MSI2: variants seen among roughly 807,000 people sequenced by gnomAD.
MSI2 encodes the protein musashi RNA binding protein 2.
Under a neutral mutation model 45.6 loss-of-function variants are expected in MSI2, and 17 were observed. The ratio of observed to expected loss-of-function variants is 0.37; its 90% CI spans 0.26 to 0.56. The LOEUF (loss-of-function observed/expected upper bound fraction) is 0.56. Among genes scored for constraint, MSI2 ranks in the 20% least tolerant of loss-of-function variants. MSI2 has a pLI of 0.77. For synonymous variants in MSI2, 156 were observed against 158.2 expected, an observed-to-expected ratio of 0.99 and a Z score of 0.11; for missense variants, 293 against 444.2, an observed-to-expected ratio of 0.66 and a Z score of 3.06.
intron 5 of MSI2, among the ~76,000 whole-genome samples, chr17:57,285,081 T>C (rs1909755945): frequency 6.6e-6 from 1 of 152,066 alleles, no homozygotes; most frequent in Non-Finnish European, 1.5e-5. Flanking sequence ...AGAAGTTTCT[T>C]CTTTTCACCT....
chr17:57,532,566 G>A (rs2086843433), intron 7 of MSI2, among the ~76,000 whole-genome samples: 1 of 152,206 alleles, frequency 6.6e-6, no homozygotes, highest in South Asian at 2.1e-4. Flanking sequence ...CACAGCAGAG[G>A]CACAGATCAT....
At chr17:57,573,964 T>C in intron 7 of MSI2, among the ~76,000 whole-genome samples, 1 of 152,088 alleles carries the variant, frequency 6.6e-6, no homozygotes, top group East Asian at 1.9e-4. Context: ...GTGGTGGTGG[T>C]TGTGACGATA....
intron 6 of MSI2, among the ~76,000 whole-genome samples, chr17:57,405,178 C>G (rs1051767155): frequency 6.6e-6 from 1 of 152,156 alleles, no homozygotes; most frequent in Admixed American, 6.5e-5. Flanking sequence ...CTGGCCTCGG[C>G]TTCTCTTCTC....
At chr17:57,666,061 C>T (rs953273285) in intron 11 of MSI2, among the ~76,000 whole-genome samples, 2 of 152,198 alleles carry the variant, frequency 1.3e-5, no homozygotes, top group African/African-American at 4.8e-5. Context: ...CAACAGGGTC[C>T]AAGCCCTTAG....
At chr17:57,565,159 C>T (rs796403775) in intron 7 of MSI2, among the ~76,000 whole-genome samples, 4 of 152,266 alleles carry the variant, frequency 2.6e-5, no homozygotes, top group African/African-American at 9.6e-5. Context: ...TTCGGCTGTG[C>T]CACCCCATCT....
At chr17:57,287,196 C>G (rs186746569) in intron 5 of MSI2, among the ~76,000 whole-genome samples, 160 of 151,470 alleles carry the variant, frequency 1.1e-3, no homozygotes, top group African/African-American at 3.4e-3. Context: ...CCCGTGAGCC[C>G]AAGAATGCCT....
intron 6 of MSI2, among the ~76,000 whole-genome samples, chr17:57,505,991 C>T (rs2086219312): frequency 6.6e-6 from 1 of 152,174 alleles, no homozygotes; most frequent in Non-Finnish European, 1.5e-5. Context: ...CTGATGGCCC[C>T]CTCCAGACTC....
At chr17:57,297,948 A>T (rs964530137) in intron 5 of MSI2, among the ~76,000 whole-genome samples, 1 of 152,062 alleles carries the variant, frequency 6.6e-6, no homozygotes, top group African/African-American at 2.4e-5. Context: ...TTTCCACCAC[A>T]TCTGCAGTTA....
intron 5 of MSI2, among the ~76,000 whole-genome samples, chr17:57,276,561 G>T (rs1200107323): frequency 6.6e-6 from 1 of 152,176 alleles, no homozygotes; most frequent in Non-Finnish European, 1.5e-5. Flanking sequence ...ATAGAGGAGG[G>T]GACAATTACT....
rs1299846404 is a variant in MSI2 at position 57,683,341 on chromosome 17, T to C, written c.*3824T>C. On this transcript the variant is annotated 3_prime_UTR_variant, in exon 14 of 14. Transcript: ENST00000284073. The surrounding 1 kb of genome is among the most constrained non-coding windows in gnomAD (Gnocchi z 5.2). ...CTTGGGGGTGGGTTTTGCTTGTTGT[T>C]CCTTTTCATTTGGGGGTTTTTGGGG... 4.3e-6 allele frequency: 1 copy of C among 230,578 alleles called. No homozygotes were observed. Among genetic ancestry groups the C allele is most frequent in the Non-Finnish European group, 8.6e-6 (1 of 116,476 alleles). 14.3% of individuals were successfully genotyped at this position (230,578 alleles called of 1,614,324 possible).
chr17:57,379,481 CTTT>C (rs78899938), intron 5 of MSI2, among the ~76,000 whole-genome samples: 6 of 134,758 alleles, frequency 4.5e-5, no homozygotes, highest in Admixed American at 7.4e-5. Flanking sequence ...TTTCTTTCTT[CTTT>C]TTTTTTTTTT....
intron 6 of MSI2, among the ~76,000 whole-genome samples, chr17:57,422,602 G>A (rs992045594): frequency 3.3e-5 from 5 of 152,188 alleles, no homozygotes; most frequent in East Asian, 1.9e-4. Context: ...CAGAGAGAGC[G>A]CTCAGTCCAG....
At chr17:57,675,911 C>T (rs779437819) in intron 12 of MSI2, among the ~76,000 whole-genome samples, 2 of 152,238 alleles carry the variant, frequency 1.3e-5, no homozygotes, top group Non-Finnish European at 2.9e-5. Context: ...GTTCTTCTCC[C>T]TCCCGGTGTG....
rs1215760926 is a variant in MSI2 at position 57,683,243 on chromosome 17, T to C, written c.*3726T>C. 2.6e-5 allele frequency: 6 copies of C among 229,686 alleles called. No individual in the cohort carries two copies. Among genetic ancestry groups the C allele is most frequent in the South Asian group, 3.6e-4 (2 of 5,490 alleles). 14.2% of individuals were successfully genotyped at this position (229,686 alleles called of 1,614,324 possible). On this transcript the variant is annotated 3_prime_UTR_variant, in exon 14 of 14. Coordinates refer to ENST00000284073, the MANE Select transcript of MSI2 (RefSeq NM_138962.4). This position sits in a 1 kb window ranked among gnomAD's most constrained non-coding sequence, Gnocchi z 5.2. Reference sequence around the variant, plus strand: ...TCTTGCTAGACTAGTATAAAAATCATTGGGTAATTGTTGGTTCTAATGACC... The same window carrying C: ...TCTTGCTAGACTAGTATAAAAATCACTGGGTAATTGTTGGTTCTAATGACC...
chr17:57,292,708 T>C (rs929535591), intron 5 of MSI2, among the ~76,000 whole-genome samples: 16 of 152,146 alleles, frequency 1.1e-4, no homozygotes, highest in African/African-American at 3.1e-4. Context: ...CACGATGCCC[T>C]TGGGAGCGAG....
chr17:57,569,533 G>A (rs2087822135), intron 7 of MSI2, among the ~76,000 whole-genome samples: 1 of 152,216 alleles, frequency 6.6e-6, no homozygotes, highest in Non-Finnish European at 1.5e-5. Flanking sequence ...CTCCAAAACA[G>A]GGCACCTTGC....
the MSI2 span, among the ~76,000 whole-genome samples, chr17:57,699,548 A>G: frequency 1.5e-5 from 2 of 134,074 alleles, no homozygotes; most frequent in Non-Finnish European, 3.1e-5. Context: ...TAAAGGGTAT[A>G]ATATTATACC....
chr17:57,258,523 G>T (rs1278557547), intron 4 of MSI2, among the ~76,000 whole-genome samples, 169 bp downstream of exon 4: 3 of 152,190 alleles, frequency 2.0e-5, no homozygotes, highest in Non-Finnish European at 2.9e-5. Context: ...TGGCTTTGGG[G>T]TTTTCTTTTT....
chr17:57,574,637 G>C (rs2087966561), intron 7 of MSI2, among the ~76,000 whole-genome samples: 1 of 152,196 alleles, frequency 6.6e-6, no homozygotes, highest in Admixed American at 6.5e-5. Flanking sequence ...ATGGGGCACA[G>C]CCTTTAGGCG....
Sources: gnomAD v4.1 joint callset for allele counts (sites outside exome capture counted in the v4.1 genomes callset) on GRCh38, gnomAD v4.1.1 for gene constraint, Gnocchi (gnomAD v3.1) non-coding constraint, MANE v1.5 for transcripts, NCBI Gene and HGNC (gene_info 2026-07-23, HGNC 2026-07-21) for gene names.